The following HECTD4 variants were observed in gnomAD, a reference collection of about 807,000 sequenced individuals.
HECTD4 encodes the protein HECT domain E3 ubiquitin protein ligase 4.
In HECTD4, 114 loss-of-function variants were observed where a neutral mutation model predicts 471.5. The observed-to-expected ratio is 0.24, with a 90% CI of 0.21 to 0.28. The LOEUF (loss-of-function observed/expected upper bound fraction) is 0.28. Ranked by LOEUF, HECTD4 falls within the 10% of genes least tolerant of loss-of-function variation. The probability of loss-of-function intolerance (pLI) is 1.00; values close to 1 mark genes in which losing one functional copy is unlikely to be tolerated. For missense variants in HECTD4, 3,866 were observed against 5,651.5 expected (o/e 0.68, Z 10.13); for synonymous variants, 2,012 against 2,256.0 (o/e 0.89, Z 3.07).
chr12:112,185,241 G>T lies in HECTD4; in HGVS notation c.9725C>A (p.Ala3242Glu). The T allele has an allele frequency of 6.5e-7, 1 of 1,549,998 alleles. No homozygotes were observed. The highest frequency in any genetic ancestry group is 8.7e-7 in the Non-Finnish European group (1 of 1,146,568). Residue 3242 changes from alanine (A) to glutamate (E), a missense_variant, in exon 61 of 76, where the codon GCG (alanine) becomes GAG (glutamate). Physicochemically the swap from Ala to Glu is moderately radical, Grantham distance 107. Around this residue, in one of 16 missense-constraint regions of HECTD4, gnomAD observed 364 missense variants for 413.2 expected, o/e 0.88. Transcript: ENST00000682272. ...GAACCTGCCCTGGTCACCGGCCGCC[G>T]CCCCCCCGGAGCCCCCGCAGGCGCC... ...SGGACGGSGGAAAGDQGRFST... is the reference protein window; with the variant it reads ...SGGACGGSGGEAAGDQGRFST...
At chr12:112,263,105 T>C (rs1348663815) in intron 17 of HECTD4, among the ~76,000 whole-genome samples, 1 of 152,204 alleles carries the variant, frequency 6.6e-6, no homozygotes. Context: ...ACAAAGAAGA[T>C]GTTATTGTCC....
chr12:112,343,927 T>C (rs992245955), intron 1 of HECTD4, among the ~76,000 whole-genome samples: 1 of 152,054 alleles, frequency 6.6e-6, no homozygotes, highest in Non-Finnish European at 1.5e-5. Flanking sequence ...GTTGCAAAAA[T>C]ATGCATATAA....
At chr12:112,298,986 C>CAG (rs1566103814) in intron 7 of HECTD4, among the ~76,000 whole-genome samples, 1 of 151,942 alleles carries the variant, frequency 6.6e-6, no homozygotes, top group Non-Finnish European at 1.5e-5. Context: ...GTACCATAGG[C>CAG]AGTAAGCCAG....
chr12:112,252,093 A>T (rs1006772956), intron 23 of HECTD4, among the ~76,000 whole-genome samples: 2 of 151,862 alleles, frequency 1.3e-5, no homozygotes, highest in Non-Finnish European at 2.9e-5. Context: ...TACTCTTAAA[A>T]CCCAGGATCT....
At position 112,193,543 on chromosome 12, in the gene HECTD4, C is replaced by T; in HGVS notation, c.8881G>A (p.Ala2961Thr). The change falls in exon 57 of 76, where the codon GCC becomes ACC. Residue 2961 changes from alanine (A) to threonine (T), a missense_variant. This residue lies in a region of HECTD4 where 364 missense variants were observed against 413.2 expected (regional missense o/e 0.88). Coordinates refer to ENST00000682272, the MANE Select transcript of HECTD4 (RefSeq NM_001388303.1). This position sits in a 1 kb window ranked among gnomAD's most constrained non-coding sequence, Gnocchi z 5.2. Reference sequence around the variant, plus strand: ...CCCTGGTGCAGGGTCCGGGTGATGGCCACGTTGAGCCACTCTCTCACTGTC... The same window carrying T: ...CCCTGGTGCAGGGTCCGGGTGATGGTCACGTTGAGCCACTCTCTCACTGTC... Reference protein sequence around the residue: ...SQTVREWLNVAITRTLHQGEE... With the variant: ...SQTVREWLNVTITRTLHQGEE... 1 of 1,612,666 alleles carries T rather than the reference C, an allele frequency of 6.2e-7. No individual in the cohort carries two copies. The highest frequency in any genetic ancestry group is 8.5e-7 in the Non-Finnish European group (1 of 1,179,374).
At chr12:112,257,214 C>T (rs2034035634) in intron 20 of HECTD4, among the ~76,000 whole-genome samples, 2 of 152,126 alleles carry the variant, frequency 1.3e-5, no homozygotes, top group Non-Finnish European at 2.9e-5. Context: ...CACATGTGGC[C>T]ATTTCAATTA....
intron 70 of HECTD4, among the ~76,000 whole-genome samples, chr12:112,169,183 C>G (rs1375892132): frequency 6.6e-6 from 1 of 152,044 alleles, no homozygotes; most frequent in Non-Finnish European, 1.5e-5. Flanking sequence ...CACCCTGCCT[C>G]TCATGGGGCA....
At chr12:112,271,864 T>C (rs1457718650) in intron 11 of HECTD4, among the ~76,000 whole-genome samples, 1 of 152,172 alleles carries the variant, frequency 6.6e-6, no homozygotes, top group African/African-American at 2.4e-5. Context: ...TTTTTTAAAC[T>C]TGGATTCCTT....
At chr12:112,238,952 AAT>A (rs2033578712) in intron 34 of HECTD4, 98 bp downstream of exon 34, 1 of 1,154,306 alleles carries the variant, frequency 8.7e-7, no homozygotes, top group South Asian at 1.7e-5. Flanking sequence ...CATGTCATTT[AAT>A]AGAGGCTTTC....
chr12:112,250,321 G>A lies in HECTD4; in HGVS notation c.3773C>T (p.Pro1258Leu). ...GVISPALTPS[P>L]SPLPLTIEED... is the part of the protein sequence containing the mutation. The stretch of plus-strand genomic sequence containing the variant: ...CTCTATGGTCAGAGGCAGTGGAGAG[G>A]GGCTCGGAGTAAGGGCAGGGGAGAT... The change falls in exon 25 of 76, where the codon CCC (proline) becomes CTC (leucine). Residue 1258 changes from proline to leucine, a missense_variant. Around this residue, in one of 16 missense-constraint regions of HECTD4, gnomAD observed 281 missense variants for 499.9 expected, o/e 0.56. Transcript: ENST00000682272. 6.2e-7 allele frequency: 1 copy of A among 1,613,972 alleles called. No individual in the cohort carries two copies. The highest frequency in any genetic ancestry group is 1.1e-5 in the South Asian group (1 of 91,074).
chr12:112,203,446 C>A (rs146782640), intron 54 of HECTD4, 190 bp downstream of exon 54: 4 of 502,994 alleles, frequency 8.0e-6, no homozygotes, highest in African/African-American at 5.9e-5. Context: ...CTACTGCCAG[C>A]CCTGATCTGA....
In HECTD4 at chr12:112,340,097, T is replaced by C. The variant is rs191424144; in HGVS notation, c.178-20355A>G. Reference sequence around the variant, plus strand: ...TTCAACTTACAGTATTTTCAATTTATGATGGGTTTTTCAGGATGTAATTCA... The same window carrying C: ...TTCAACTTACAGTATTTTCAATTTACGATGGGTTTTTCAGGATGTAATTCA... On this transcript the variant is annotated intron_variant, in intron 1 of 75. Coordinates refer to ENST00000682272, the MANE Select transcript of HECTD4 (RefSeq NM_001388303.1). 3.0e-3 allele frequency among the ~76,000 whole-genome samples: 460 copies of C among 152,078 alleles called. 9 individuals are homozygous for C. Among genetic ancestry groups the C allele is most frequent in the Non-Finnish European group, 5.1e-4 (35 of 67,988 alleles).
At position 112,381,777 on chromosome 12, in the gene HECTD4, G is replaced by A. The variant is rs1242205754; in HGVS notation, c.177+175C>T. Among the ~76,000 whole-genome samples, 1 of 151,950 alleles carries A rather than the reference G, an allele frequency of 6.6e-6. No individual in the cohort carries two copies. The highest frequency in any genetic ancestry group is 1.9e-4 in the East Asian group (1 of 5,148). ...AGGAGGGAGGGAGGGAGAGCGGGGC[G>A]GGCGGTCCGCAGACCTGCGGCCGCG... On this transcript the variant is annotated intron_variant, in intron 1 of 75. Transcript: ENST00000682272. The surrounding 1 kb of genome is among the most constrained non-coding windows in gnomAD (Gnocchi z 4.1).
chr12:112,303,969 T>C (rs572444003), intron 7 of HECTD4, among the ~76,000 whole-genome samples: 3 of 152,124 alleles, frequency 2.0e-5, no homozygotes, highest in South Asian at 4.1e-4. Context: ...ACTTTGTTTA[T>C]ATCTGGCGTT....
chr12:112,235,325 C>A lies in HECTD4; in HGVS notation c.5726-59G>T. The A allele has an allele frequency of 6.5e-7, 1 of 1,549,802 alleles. No homozygotes were observed. ...CTGCAGTGTTGTTTTGGCGGCTCTG[C>A]TAAAATGAAAAATAATGGTTTGGGA... On this transcript the variant is annotated intron_variant, in intron 36 of 75. Transcript: ENST00000682272. This position sits in a 1 kb window ranked among gnomAD's most constrained non-coding sequence, Gnocchi z 5.0.
chr12:112,303,420 T>C lies in HECTD4; in HGVS notation c.1335+2644A>G, dbSNP rs189043814. Among the ~76,000 whole-genome samples the C allele has an allele frequency of 1.4e-4, 21 of 152,320 alleles. No homozygotes were observed. The East Asian group carries it at 2.3e-3, about 17-fold the overall frequency. On this transcript the variant is annotated intron_variant, in intron 7 of 75. Coordinates refer to ENST00000682272, the MANE Select transcript of HECTD4 (RefSeq NM_001388303.1). ...AGAAAGGATACTACACTCTCCATCTTATCTTCTAAAAGTAGGGGGATAAGA... is the reference window on the plus strand; with the variant it reads ...AGAAAGGATACTACACTCTCCATCTCATCTTCTAAAAGTAGGGGGATAAGA...
chr12:112,340,749 T>C (rs763867437), intron 1 of HECTD4, among the ~76,000 whole-genome samples: 23 of 152,200 alleles, frequency 1.5e-4, no homozygotes, highest in Non-Finnish European at 2.2e-4. Flanking sequence ...ATAAAAGATA[T>C]AGAAAGCCCC....
chr12:112,184,580 G>C lies in HECTD4; in HGVS notation c.10386C>G (p.Ala3462=). ...DGKVEPEKTL[A]FPGTDSMEVS... ...CCTCCATGCTGTCTGTGCCGGGGAA[G>C]GCCAGTGTCTTCTCGGGCTCAACTT... The change falls in exon 61 of 76, where the codon GCC becomes GCG. Residue 3462 remains alanine (A), a synonymous_variant. Coordinates refer to ENST00000682272, the MANE Select transcript of HECTD4 (RefSeq NM_001388303.1). The surrounding 1 kb of genome is among the most constrained non-coding windows in gnomAD (Gnocchi z 9.1). The C allele has an allele frequency of 6.2e-7, 1 of 1,613,820 alleles. No homozygotes were observed. Among genetic ancestry groups the C allele is most frequent in the Non-Finnish European group, 8.5e-7 (1 of 1,179,880 alleles).
chr12:112,224,843 A>C (rs1276999000), intron 44 of HECTD4, among the ~76,000 whole-genome samples: 2 of 152,236 alleles, frequency 1.3e-5, no homozygotes, highest in Non-Finnish European at 2.9e-5. Flanking sequence ...TATAAAATAT[A>C]TAAGAGGATA....
Sources: gnomAD v4.1 joint callset for allele counts (sites outside exome capture counted in the v4.1 genomes callset) on GRCh38, gnomAD v4.1.1 for gene constraint, gnomAD v4.1.1 regional missense constraint, Gnocchi (gnomAD v3.1) non-coding constraint, MANE v1.5 for transcripts, NCBI Gene and HGNC (gene_info 2026-07-23, HGNC 2026-07-21) for gene names.